GRHL2: variants seen among roughly 807,000 people sequenced by gnomAD.
GRHL2 encodes grainyhead like transcription factor 2, also known as grainyhead-like protein 2 homolog.
Under a neutral mutation model 83.8 loss-of-function variants are expected in GRHL2, and 21 were observed. The observed-to-expected ratio is 0.25, with a 90% CI of 0.18 to 0.36. The LOEUF is 0.36. Among genes scored for constraint, GRHL2 ranks in the 10% least tolerant of loss-of-function variants. The probability of loss-of-function intolerance (pLI) is 1.00; values close to 1 mark genes in which losing one functional copy is unlikely to be tolerated. For missense variants in GRHL2, 623 were observed against 781.8 expected (o/e 0.80, Z 2.42); for synonymous variants, 280 against 278.9 (o/e 1.00, Z -0.04).
At chr8:101,657,024 G>A (rs546450454) in intron 14 of GRHL2, among the ~76,000 whole-genome samples, 2 of 152,280 alleles carry the variant, frequency 1.3e-5, no homozygotes, top group South Asian at 4.1e-4. Context: ...TGTCTACAAA[G>A]AAAAAGGTCG....
At chr8:101,510,755 G>A (rs1810444479) in intron 1 of GRHL2, among the ~76,000 whole-genome samples, 1 of 152,018 alleles carries the variant, frequency 6.6e-6, no homozygotes, top group Non-Finnish European at 1.5e-5. Context: ...GTTTTTCTAG[G>A]CATTGTACCA....
At chr8:101,533,170 T>TAAGA (rs1245977324) in intron 1 of GRHL2, among the ~76,000 whole-genome samples, 2 of 152,022 alleles carry the variant, frequency 1.3e-5, no homozygotes, top group Non-Finnish European at 2.9e-5. Context: ...AGGGGAGAGT[T>TAAGA]AAGAGGGAGG....
At chr8:101,555,479 CTT>C (rs913264246) in intron 3 of GRHL2, among the ~76,000 whole-genome samples, 6 of 151,964 alleles carry the variant, frequency 3.9e-5, no homozygotes, top group Non-Finnish European at 5.9e-5. Context: ...ATGATGGACT[CTT>C]TTTTTGTGTG....
At chr8:101,573,076 C>T (rs1200653115) in intron 5 of GRHL2, among the ~76,000 whole-genome samples, 1 of 152,174 alleles carries the variant, frequency 6.6e-6, no homozygotes, top group Non-Finnish European at 1.5e-5. Context: ...TTTAGAACAA[C>T]CCTGCCATGA....
intron 12 of GRHL2, among the ~76,000 whole-genome samples, chr8:101,639,016 A>G (rs981436780): frequency 3.3e-5 from 5 of 152,292 alleles, no homozygotes; most frequent in African/African-American, 7.2e-5. Flanking sequence ...CTAACATGCT[A>G]TTGTTCTCAT....
At chr8:101,630,297 A>G (rs1052168961) in intron 9 of GRHL2, among the ~76,000 whole-genome samples, 16 of 152,192 alleles carry the variant, frequency 1.1e-4, no homozygotes, top group Admixed American at 2.0e-4. Flanking sequence ...AACAAAAAAT[A>G]TATCTCATTG....
At chr8:101,562,344 G>T in intron 4 of GRHL2, 1 of 656,052 alleles carries the variant, frequency 1.5e-6, no homozygotes, top group Non-Finnish European at 2.5e-6. Flanking sequence ...GGTTCACCTA[G>T]CTTTGGAGGA....
chr8:101,678,303 A>T, the GRHL2 span, among the ~76,000 whole-genome samples: 5 of 152,242 alleles, frequency 3.3e-5, no homozygotes, highest in African/African-American at 1.2e-4. Context: ...TCCCTTTCCT[A>T]GTCAAAGAAA....
intron 15 of GRHL2, among the ~76,000 whole-genome samples, chr8:101,664,958 C>T (rs1005163160): frequency 2.0e-5 from 3 of 152,148 alleles, no homozygotes; most frequent in African/African-American, 7.2e-5. Context: ...CTCAAATGAT[C>T]ATTGGACCTG....
At chr8:101,635,699 T>C (rs576702936) in intron 11 of GRHL2, among the ~76,000 whole-genome samples, 9 of 151,678 alleles carry the variant, frequency 5.9e-5, no homozygotes, top group Non-Finnish European at 1.0e-4. Flanking sequence ...CTGAGACTTG[T>C]TGTGGGGAGA....
intron 14 of GRHL2, among the ~76,000 whole-genome samples, chr8:101,656,631 C>T (rs1220029686): frequency 6.6e-6 from 1 of 152,192 alleles, no homozygotes; most frequent in African/African-American, 2.4e-5. Context: ...TGTAGTCAGA[C>T]AGCTGAGCTG....
At chr8:101,581,976 G>A (rs1231838890) in intron 7 of GRHL2, among the ~76,000 whole-genome samples, 2 of 152,198 alleles carry the variant, frequency 1.3e-5, no homozygotes, top group African/African-American at 2.4e-5. Flanking sequence ...AGTGGCTCAC[G>A]CCTCTAATCT....
At chr8:101,561,478 C>G (rs1164134887) in intron 4 of GRHL2, among the ~76,000 whole-genome samples, 3 of 152,150 alleles carry the variant, frequency 2.0e-5, no homozygotes, top group Non-Finnish European at 4.4e-5. Context: ...TCAAAACAGT[C>G]CAGCATAATT....
chr8:101,653,826 A>T (rs943770528), intron 14 of GRHL2, among the ~76,000 whole-genome samples: 7 of 152,090 alleles, frequency 4.6e-5, no homozygotes, highest in East Asian at 3.8e-4. Context: ...TAGGCCCGGG[A>T]ATCAGCACTG....
chr8:101,627,376 G>A (rs1203432066), intron 9 of GRHL2, among the ~76,000 whole-genome samples: 1 of 151,982 alleles, frequency 6.6e-6, no homozygotes, highest in African/African-American at 2.4e-5. Context: ...GATCATTGGT[G>A]TTACTATTGT....
At chr8:101,511,679 A>G (rs764081515) in intron 1 of GRHL2, among the ~76,000 whole-genome samples, 50 of 151,042 alleles carry the variant, frequency 3.3e-4, no homozygotes, top group Non-Finnish European at 5.3e-4. Flanking sequence ...TTTTTTTTAA[A>G]TATCTTCTAG....
At chr8:101,619,181 AG>A (rs754191968) in intron 8 of GRHL2, among the ~76,000 whole-genome samples, 16 of 152,100 alleles carry the variant, frequency 1.1e-4, no homozygotes, top group Non-Finnish European at 2.1e-4. Context: ...TGAACCTGGG[AG>A]GGGGAGGTTG....
intron 1 of GRHL2, 27 bp downstream of exon 1, chr8:101,492,816 T>A (rs775148548): frequency 6.2e-7 from 1 of 1,611,724 alleles, no homozygotes; most frequent in Non-Finnish European, 8.5e-7. Context: ...CGCCGGCTGC[T>A]GCTACTACTA....
At chr8:101,639,107 C>T (rs899370949) in intron 12 of GRHL2, among the ~76,000 whole-genome samples, 1 of 152,214 alleles carries the variant, frequency 6.6e-6, no homozygotes, top group Non-Finnish European at 1.5e-5. Flanking sequence ...GTAAATCTGT[C>T]TCACCTCAAA....
Sources: gnomAD v4.1 joint callset for allele counts (sites outside exome capture counted in the v4.1 genomes callset) on GRCh38, gnomAD v4.1.1 for gene constraint, MANE v1.5 for transcripts, NCBI Gene and HGNC (gene_info 2026-07-23, HGNC 2026-07-21) for gene names.